Variants in ZP1 observed in about 807,000 individuals in gnomAD.
ZP1 encodes the protein zona pellucida glycoprotein 1.
ZP1 carries 58 observed loss-of-function variants against 67.4 expected under a neutral mutation model. The ratio of observed to expected loss-of-function variants is 0.86; its 90% CI spans 0.70 to 1.07. ZP1 has a LOEUF of 1.07. Ranked by LOEUF, ZP1 falls within the 50% of genes least tolerant of loss-of-function variation. The pLI, the probability that ZP1 is intolerant of heterozygous loss-of-function variation, is 0.00. For missense variants in ZP1, 759 were observed against 807.3 expected (o/e 0.94, Z 0.72); for synonymous variants, 333 against 332.7 (o/e 1.00, Z -0.01).
intron 9 of ZP1, among the ~76,000 whole-genome samples, chr11:60,874,126 A>G (rs1855651571): frequency 6.6e-6 from 1 of 152,230 alleles, no homozygotes; most frequent in South Asian, 2.1e-4. Flanking sequence ...AGGTAAAGGT[A>G]GATAAACTCA....
intron 9 of ZP1, among the ~76,000 whole-genome samples, chr11:60,874,232 C>G (rs1855653949): frequency 6.6e-6 from 1 of 152,174 alleles, no homozygotes; most frequent in African/African-American, 2.4e-5. Flanking sequence ...ATCACATACC[C>G]AAATCTCTAG....
chr11:60,869,655 C>A lies in ZP1; in HGVS notation c.437C>A (p.Ser146Tyr). The A allele has an allele frequency of 6.2e-7, 1 of 1,614,178 alleles. No homozygotes were observed. The highest frequency in any genetic ancestry group is 8.5e-7 in the Non-Finnish European group (1 of 1,180,012). Residue 146 changes from serine to tyrosine, a missense_variant, in exon 3 of 12, where the codon TCC (serine) becomes TAC (tyrosine). Coordinates refer to ENST00000278853, the MANE Select transcript of ZP1 (RefSeq NM_207341.4). ...CCTGACCCCTCCCGGACTCTGGACT[C>A]CCAGCTGGCACCACCCGCCATGTTC... ...PKPDPSRTLD[S>Y]QLAPPAMFSV...
intron 9 of ZP1, 37 bp from the exon 10 acceptor site, chr11:60,874,896 T>G (rs1407822752): frequency 4.4e-6 from 7 of 1,607,916 alleles, no homozygotes; most frequent in Non-Finnish European, 5.1e-6. Context: ...CCGGTGGCAC[T>G]GAGCCAGCCA....
Position 60,873,171 on chromosome 11 carries a change from G to T in ZP1, c.1122G>T (p.Val374=). The change falls in exon 7 of 12, where the codon GTG becomes GTT. Residue 374 remains valine (V), a synonymous_variant. Transcript: ENST00000278853. ...TGCACGTGGACTTCAGGCTTCATGT[G>T]CGCTGTGTCTTCAACGCCAGTGACT... The part of the protein sequence containing the change: ...ITRDSTFQLH[V]RCVFNASDFL... 1 of 1,586,738 alleles carries T rather than the reference G, an allele frequency of 6.3e-7. No individual in the cohort carries two copies. Among genetic ancestry groups the T allele is most frequent in the Non-Finnish European group, 8.6e-7 (1 of 1,166,870 alleles).
chr11:60,869,908 G>A lies in ZP1; in HGVS notation c.682+8G>A. 6.5e-7 allele frequency: 1 copy of A among 1,536,680 alleles called. No homozygotes were observed. The highest frequency in any genetic ancestry group is 8.8e-7 in the Non-Finnish European group (1 of 1,139,280). ...ACAAACGAGATTACATAGGTACGCA[G>A]GACATCTGAGTGTACTTACCCTCTG... On this transcript the variant is annotated splice_region_variant and intron_variant, in intron 3 of 11. Coordinates refer to ENST00000278853, the MANE Select transcript of ZP1 (RefSeq NM_207341.4).
rs779175831 is a variant in ZP1 at position 60,869,240 on chromosome 11, TAC to T, written c.294_295del (p.Tyr98Ter). The T allele has an allele frequency of 6.2e-7, 1 of 1,614,224 alleles. No individual in the cohort carries two copies. Among genetic ancestry groups the T allele is most frequent in the Admixed American group, 1.7e-5 (1 of 60,020 alleles). ...PQEPAVFSADYRGCHVLEKDG... is the reference protein window; with the variant it reads ...PQEPAVFSADXRGCHVLEKDG... ...GGAGCCTGCAGTCTTCTCGGCCGAT[TAC>T]AGAGGCTGCCACGTGCTGGAGAAGG... is the stretch of plus-strand genomic sequence containing the variant. On this transcript the variant is annotated frameshift_variant, in exon 2 of 12. Transcript: ENST00000278853. LOFTEE classifies it high-confidence loss of function.
At position 60,867,630 on chromosome 11, in the gene ZP1, G is replaced by T; in HGVS notation, c.69G>T (p.Gly23=). Residue 23 remains glycine (G), a synonymous_variant, in exon 1 of 12, where the codon GGG becomes GGT. Coordinates refer to ENST00000278853, the MANE Select transcript of ZP1 (RefSeq NM_207341.4). ...TGCTACTGCTGGTTGCCACCCTGGG[G>T]CTGGGTAGGTGGCTCCAGCCCGACC... ...VALLLLVATL[G]LGRWLQPDPG... The T allele has an allele frequency of 6.2e-7, 1 of 1,613,868 alleles. No individual in the cohort carries two copies.
chr11:60,871,353 T>C lies in ZP1; in HGVS notation c.1112+39T>C, dbSNP rs747398422. ...TCCTCCTACAGGCGTGGCTGTGTGC[T>C]AGGGTGTCAGGGGCACAGGCGAGCT... On this transcript the variant is annotated intron_variant, in intron 6 of 11. Coordinates refer to ENST00000278853, the MANE Select transcript of ZP1 (RefSeq NM_207341.4). 9 of 1,603,654 alleles carry C rather than the reference T, an allele frequency of 5.6e-6. No individual in the cohort carries two copies. The East Asian group carries it at 2.0e-4, about 36-fold the overall frequency.
Position 60,873,679 on chromosome 11 carries a change from G to A in ZP1, c.1476G>A (p.Leu492=). The change falls in exon 9 of 12, where the codon TTG becomes TTA. Residue 492 remains leucine, a synonymous_variant. Transcript: ENST00000278853. ...GCTACAGAACCCAAATGGTAGCCTT[G>A]GACGGGGCCACACCTTTCCAGTCGC... ...GDSYRTQMVA[L]DGATPFQSHY... is the part of the protein sequence containing the mutation. 1 of 1,614,152 alleles carries A rather than the reference G, an allele frequency of 6.2e-7. No homozygotes were observed. The highest frequency in any genetic ancestry group is 2.2e-5 in the East Asian group (1 of 44,884).
intron 3 of ZP1, among the ~76,000 whole-genome samples, 184 bp downstream of exon 3, chr11:60,870,084 C>T (rs1021542828): frequency 1.3e-5 from 2 of 152,134 alleles, no homozygotes; most frequent in Admixed American, 6.5e-5. Flanking sequence ...TATAGGTGTA[C>T]TAAAGCTAGA....
rs746878407 is a variant in ZP1, at chr11:60,875,600, T to A, written c.1861T>A (p.Phe621Ile). 2 of 1,614,188 alleles carry A rather than the reference T, an allele frequency of 1.2e-6. No individual in the cohort carries two copies. Among genetic ancestry groups the A allele is most frequent in the South Asian group, 2.2e-5 (2 of 91,080 alleles). ...AVALVLGFGVFVGLSQTWAQK... is the reference protein window; with the variant it reads ...AVALVLGFGVIVGLSQTWAQK... ...TGCCCTGGTCCTTGGGTTTGGTGTC[T>A]TTGTGGGCCTGAGCCAGACCTGGGC... Residue 621 changes from phenylalanine (F) to isoleucine (I), a missense_variant, in exon 12 of 12, where the codon TTT (phenylalanine) becomes ATT (isoleucine). Phe to Ile is a conservative substitution (Grantham distance 21). Coordinates refer to ENST00000278853, the MANE Select transcript of ZP1 (RefSeq NM_207341.4).
At chr11:60,869,477 C>A in intron 2 of ZP1, 60 bp from the exon 3 acceptor site, 1 of 1,549,694 alleles carries the variant, frequency 6.5e-7, no homozygotes, top group Non-Finnish European at 8.7e-7. Context: ...GGGCCCGTCC[C>A]CTGCCTGGGT....
At position 60,870,443 on chromosome 11, in the gene ZP1, C is replaced by A. The variant is rs766955061; in HGVS notation, c.794C>A (p.Thr265Asn). ...CAGGCTGGCTGCTGCTATGACAACA[C>A]CAGAGAGGTTCCCTGTTACTATGGC... ...CQQAGCCYDN[T>N]REVPCYYGNT... The change falls in exon 4 of 12, where the codon ACC (threonine) becomes AAC (asparagine). Residue 265 changes from threonine to asparagine, a missense_variant. Physicochemically the swap from Thr to Asn is moderately conservative, Grantham distance 65. Transcript: ENST00000278853. 1.2e-6 allele frequency: 2 copies of A among 1,612,818 alleles called. No individual in the cohort carries two copies. Among genetic ancestry groups the A allele is most frequent in the South Asian group, 1.1e-5 (1 of 90,738 alleles).
intron 6 of ZP1, among the ~76,000 whole-genome samples, chr11:60,871,622 C>G (rs982925162): frequency 3.4e-4 from 51 of 152,194 alleles, no homozygotes; most frequent in Non-Finnish European, 5.6e-4. Context: ...CTTGGTCTCT[C>G]CAAGAACCAA....
Position 60,869,624 on chromosome 11 carries a change from C to T in ZP1, c.406C>T (p.Pro136Ser). ...DVAQDATLICPKPDPSRTLDS... is the reference protein window; with the variant it reads ...DVAQDATLICSKPDPSRTLDS... ...GGCACAAGACGCTACTCTGATCTGTCCCAAACCTGACCCCTCCCGGACTCT... is the reference window on the plus strand; with the variant it reads ...GGCACAAGACGCTACTCTGATCTGTTCCAAACCTGACCCCTCCCGGACTCT... The change falls in exon 3 of 12, where the codon CCC (proline) becomes TCC (serine). Residue 136 changes from proline (P) to serine (S), a missense_variant. Coordinates refer to ENST00000278853, the MANE Select transcript of ZP1 (RefSeq NM_207341.4). 2 of 1,614,160 alleles carry T rather than the reference C, an allele frequency of 1.2e-6. No homozygotes were observed. Among genetic ancestry groups the T allele is most frequent in the South Asian group, 2.2e-5 (2 of 91,082 alleles).
At position 60,870,449 on chromosome 11, in the gene ZP1, A is replaced by C; in HGVS notation, c.800A>C (p.Glu267Ala). Residue 267 changes from glutamate to alanine, a missense_variant, in exon 4 of 12, where the codon GAG (glutamate) becomes GCG (alanine). Coordinates refer to ENST00000278853, the MANE Select transcript of ZP1 (RefSeq NM_207341.4). ...QAGCCYDNTR[E>A]VPCYYGNTAT... ...GGCTGCTGCTATGACAACACCAGAG[A>C]GGTTCCCTGTTACTATGGCAACACA... The C allele has an allele frequency of 6.2e-7, 1 of 1,612,050 alleles. No individual in the cohort carries two copies. The highest frequency in any genetic ancestry group is 8.5e-7 in the Non-Finnish European group (1 of 1,179,218).
chr11:60,873,919 C>T (rs562542219), intron 9 of ZP1, 144 bp downstream of exon 9: 9 of 1,122,964 alleles, frequency 8.0e-6, no homozygotes, highest in African/African-American at 6.2e-5. Flanking sequence ...TGGAAAGCAG[C>T]GGGCTTCGGG....
chr11:60,868,270 C>A (rs1021039004), intron 1 of ZP1, among the ~76,000 whole-genome samples: 9 of 152,204 alleles, frequency 5.9e-5, no homozygotes, highest in Non-Finnish European at 8.8e-5. Context: ...TGGTCTCGAA[C>A]TCCTGACCTC....
In ZP1 at chr11:60,869,904, C is replaced by A. The variant is rs369918555; in HGVS notation, c.682+4C>A. On this transcript the variant is annotated splice_donor_region_variant and intron_variant, in intron 3 of 11. Transcript: ENST00000278853. ...GTGAACAAACGAGATTACATAGGTA[C>A]GCAGGACATCTGAGTGTACTTACCC... 3 of 1,541,198 alleles carry A rather than the reference C, an allele frequency of 1.9e-6. No homozygotes were observed. The highest frequency in any genetic ancestry group is 1.9e-5 in the Admixed American group (1 of 52,028).
Sources: allele counts gnomAD v4.1 joint callset (sites outside exome capture counted in the v4.1 genomes callset), GRCh38; gene constraint gnomAD v4.1.1; transcripts MANE v1.5; gene names NCBI Gene and HGNC (gene_info 2026-07-23, HGNC 2026-07-21).